The following ECPAS variants were observed in gnomAD, a reference collection of about 807,000 sequenced individuals.
ECPAS encodes the protein Ecm29 proteasome adaptor and scaffold.
A neutral mutation model predicts 255.1 loss-of-function variants in ECPAS; 70 were observed. The observed-to-expected ratio is 0.27, with a 90% CI of 0.23 to 0.33. The LOEUF (loss-of-function observed/expected upper bound fraction) is 0.33. Ranked by LOEUF, ECPAS falls within the 10% of genes least tolerant of loss-of-function variation. The probability of loss-of-function intolerance (pLI) is 1.00; values close to 1 mark genes in which losing one functional copy is unlikely to be tolerated. For synonymous variants in ECPAS, 784 were observed against 775.0 expected (o/e 1.01, Z -0.19); for missense variants, 1,817 against 2,206.4 (o/e 0.82, Z 3.54).
intron 2 of ECPAS, among the ~76,000 whole-genome samples, chr9:111,467,911 A>C (rs1024071688): frequency 6.6e-6 from 1 of 152,172 alleles, no homozygotes; most frequent in Non-Finnish European, 1.5e-5. Flanking sequence ...AATGATACAC[A>C]GATTCAGAAG....
intron 2 of ECPAS, among the ~76,000 whole-genome samples, chr9:111,470,288 A>G (rs2098285479): frequency 6.6e-6 from 1 of 151,850 alleles, no homozygotes; most frequent in African/African-American, 2.4e-5. Context: ...TAAACAGGGA[A>G]GAGGAAAAGA....
chr9:111,417,708 T>G (rs559829541), intron 17 of ECPAS, among the ~76,000 whole-genome samples, 175 bp downstream of exon 17: 1 of 150,554 alleles, frequency 6.6e-6, no homozygotes, highest in East Asian at 2.0e-4. Context: ...ACCGTGCCAT[T>G]GCACTCCAGC....
intron 26 of ECPAS, 103 bp from the exon 27 acceptor site, chr9:111,393,837 G>T: frequency 1.1e-6 from 1 of 875,840 alleles, no homozygotes; most frequent in Non-Finnish European, 1.8e-6. Context: ...TATTATCCAA[G>T]CCAGTTACAA....
chr9:111,399,937 G>C (rs140443218), intron 24 of ECPAS, among the ~76,000 whole-genome samples: 12 of 152,376 alleles, frequency 7.9e-5, no homozygotes, highest in African/African-American at 2.9e-4. Flanking sequence ...GTGAGCCCTG[G>C]TACTGTGCTG....
At chr9:111,445,719 G>T (rs547048290) in intron 3 of ECPAS, among the ~76,000 whole-genome samples, 1 of 151,836 alleles carries the variant, frequency 6.6e-6, no homozygotes, top group African/African-American at 2.4e-5. Context: ...GGGTACATGT[G>T]CACAATGTGC....
Position 111,472,926 on chromosome 9 carries a change from C to T in ECPAS, c.-8G>A. 8.0e-7 allele frequency: 1 copy of T among 1,247,704 alleles called. No individual in the cohort carries two copies. The allele number at this position is 1,247,704 out of a possible 1,614,324, so 77.3% of individuals were successfully genotyped here. On this transcript the variant is annotated 5_prime_UTR_variant, in exon 2 of 50. Transcript: ENST00000684092. ...ACAATCAATGTGATACATGGTTTATCCAATCTTGACAAAAATCCTCGGGAT... is the reference window on the plus strand; with the variant it reads ...ACAATCAATGTGATACATGGTTTATTCAATCTTGACAAAAATCCTCGGGAT...
chr9:111,420,421 A>G (rs1445346101), intron 15 of ECPAS, among the ~76,000 whole-genome samples: 1 of 152,142 alleles, frequency 6.6e-6, no homozygotes, highest in Non-Finnish European at 1.5e-5. Flanking sequence ...ATCTCTGCGC[A>G]TCCTCAGCCC....
rs140449181 is a variant in ECPAS at position 111,476,796 on chromosome 9, G to A, written c.-82-3796C>T. Reference sequence around the variant, plus strand: ...TCCTGCCTCAGCCTCCTGAGTAGCTGGAACTACAGGCGTGTGCCACCACAA... The same window carrying A: ...TCCTGCCTCAGCCTCCTGAGTAGCTAGAACTACAGGCGTGTGCCACCACAA... On this transcript the variant is annotated intron_variant, in intron 1 of 49. Coordinates refer to ENST00000684092, the MANE Select transcript of ECPAS (RefSeq NM_001364929.1). Among the ~76,000 whole-genome samples the A allele has an allele frequency of 3.8e-3, 578 of 152,098 alleles. 4 individuals are homozygous for A. Among genetic ancestry groups the A allele is most frequent in the African/African-American group, 0.013 (539 of 41,510 alleles).
Position 111,371,622 on chromosome 9 carries a change from T to C in ECPAS, c.4736A>G (p.Lys1579Arg), listed in dbSNP as rs1460448317. The change falls in exon 43 of 50, where the codon AAG becomes AGG. Residue 1579 changes from lysine to arginine, a missense_variant and splice_region_variant. Transcript: ENST00000684092. ...QGLAGRTWAG[K>R]EELLKAIACV... ...ACTGGGTATGAATGGTTCCTTTACC[T>C]TTCCTGCCCACGTTCTTCCAGCCAG... 3 of 1,613,076 alleles carry C rather than the reference T, an allele frequency of 1.9e-6. No homozygotes were observed. In the African/African-American group the frequency reaches 4.0e-5, roughly 22 times the overall value.
intron 2 of ECPAS, among the ~76,000 whole-genome samples, chr9:111,467,753 T>C (rs2098281323): frequency 6.6e-6 from 1 of 152,182 alleles, no homozygotes. Flanking sequence ...TACTTTCTTC[T>C]GATTCACAGA....
At chr9:111,406,971 G>A (rs1006656462) in intron 24 of ECPAS, among the ~76,000 whole-genome samples, 4 of 149,144 alleles carry the variant, frequency 2.7e-5, no homozygotes, top group African/African-American at 5.1e-5. Flanking sequence ...TTCTGCTTCC[G>A]TTTCATGCTT....
At chr9:111,383,399 A>C in intron 34 of ECPAS, 67 bp from the exon 35 acceptor site, 1 of 1,531,824 alleles carries the variant, frequency 6.5e-7, no homozygotes, top group Non-Finnish European at 8.8e-7. Context: ...TCATCTGACA[A>C]AAGACTTTCT....
intron 43 of ECPAS, 37 bp downstream of exon 43, chr9:111,371,584 C>A: frequency 6.5e-7 from 1 of 1,542,644 alleles, no homozygotes; most frequent in South Asian, 1.1e-5. Context: ...AAGATGAAGT[C>A]AGAATCCCTT....
At position 111,425,451 on chromosome 9, in the gene ECPAS, A is replaced by G. The variant is rs758305612; in HGVS notation, c.1182T>C (p.Asn394=). Residue 394 remains asparagine (N), a synonymous_variant, in exon 12 of 50, where the codon AAT becomes AAC. Transcript: ENST00000684092. ...KIKPLGPMLL[N]GLTKLINEYK... is the part of the protein sequence containing the mutation. ...ATTCATTGATTAGCTTGGTGAGGCCATTCAAAAGCATTGGACCTAATGGCT... is the reference window on the plus strand; with the variant it reads ...ATTCATTGATTAGCTTGGTGAGGCCGTTCAAAAGCATTGGACCTAATGGCT... The G allele has an allele frequency of 5.6e-6, 9 of 1,601,736 alleles. No homozygotes were observed. Among genetic ancestry groups the G allele is most frequent in the Non-Finnish European group, 6.8e-6 (8 of 1,174,828 alleles).
chr9:111,364,759 A>T (rs2098118219), intron 48 of ECPAS, among the ~76,000 whole-genome samples: 1 of 152,274 alleles, frequency 6.6e-6, no homozygotes, highest in African/African-American at 2.4e-5. Flanking sequence ...CAAAATTAAC[A>T]TCACAAATGA....
intron 2 of ECPAS, among the ~76,000 whole-genome samples, chr9:111,453,906 C>T (rs12337001): frequency 0.29 from 44,190 of 151,734 alleles, 7,953 homozygotes; most frequent in Non-Finnish European, 0.42. Context: ...TAAATGGTCC[C>T]TTGCACAGGA....
chr9:111,370,808 T>C, intron 43 of ECPAS, 43 bp from the exon 44 acceptor site: 2 of 1,533,182 alleles, frequency 1.3e-6, no homozygotes, highest in African/African-American at 1.4e-5. Context: ...AGCCCAAACA[T>C]GTCATTTACA....
rs144241522 is a variant in ECPAS, at chr9:111,446,817, C to A, written c.154-2323G>T. ...TGACTCCAGAGCCCATTTTTTTTAA[C>A]CTTTTCAAACACTGATATTTGAACT... On this transcript the variant is annotated intron_variant, in intron 3 of 49. Coordinates refer to ENST00000684092, the MANE Select transcript of ECPAS (RefSeq NM_001364929.1). Among the ~76,000 whole-genome samples, 386 of 152,128 alleles carry A rather than the reference C, an allele frequency of 2.5e-3. 2 individuals are homozygous for A. Among genetic ancestry groups the A allele is most frequent in the African/African-American group, 8.9e-3 (371 of 41,510 alleles).
At chr9:111,475,492 T>C (rs1337322968) in intron 1 of ECPAS, among the ~76,000 whole-genome samples, 1 of 152,202 alleles carries the variant, frequency 6.6e-6, no homozygotes, top group African/African-American at 2.4e-5. Context: ...CCCAGCACTT[T>C]GGGAGGCCGA....
Sources: allele counts gnomAD v4.1 joint callset (sites outside exome capture counted in the v4.1 genomes callset), GRCh38; gene constraint gnomAD v4.1.1; transcripts MANE v1.5; gene names NCBI Gene and HGNC (gene_info 2026-07-23, HGNC 2026-07-21).